ADAMTS6: variants seen among roughly 807,000 people sequenced by gnomAD.
ADAMTS6 encodes A disintegrin and metalloproteinase with thrombospondin motifs 6.
Under a neutral mutation model 144.3 loss-of-function variants are expected in ADAMTS6, and 23 were observed. The ratio of observed to expected loss-of-function variants is 0.16; its 90% CI spans 0.11 to 0.23. The LOEUF (loss-of-function observed/expected upper bound fraction) is 0.23. Ranked by LOEUF, ADAMTS6 falls within the 10% of genes least tolerant of loss-of-function variation. ADAMTS6 has a pLI of 1.00. For synonymous variants in ADAMTS6, 444 were observed against 457.5 expected, an observed-to-expected ratio of 0.97 and a Z score of 0.38; for missense variants, 999 against 1,379.6, an observed-to-expected ratio of 0.72 and a Z score of 4.37.
At chr5:65,425,332 T>C (rs978995976) in intron 7 of ADAMTS6, among the ~76,000 whole-genome samples, 17 of 152,184 alleles carry the variant, frequency 1.1e-4, no homozygotes, top group South Asian at 2.1e-4. Flanking sequence ...CCGGCCAATA[T>C]ATAAAGTTTT....
In ADAMTS6 at chr5:65,328,286, C is replaced by G. The variant is rs574757574; in HGVS notation, c.1223+1092G>C. Among the ~76,000 whole-genome samples, 4 of 152,096 alleles carry G rather than the reference C, an allele frequency of 2.6e-5. No homozygotes were observed. The East Asian group carries it at 7.7e-4, about 29-fold the overall frequency. ...AACTACAGATTTACCTCAGGAATTACCTCTGAGGTAAGTATATAAAAAACA... is the reference window on the plus strand; with the variant it reads ...AACTACAGATTTACCTCAGGAATTAGCTCTGAGGTAAGTATATAAAAAACA... On this transcript the variant is annotated intron_variant, in intron 9 of 24. Coordinates refer to ENST00000381055, the MANE Select transcript of ADAMTS6 (RefSeq NM_197941.4).
chr5:65,230,119 C>T (rs759018473), intron 15 of ADAMTS6, among the ~76,000 whole-genome samples: 3 of 151,112 alleles, frequency 2.0e-5, no homozygotes, highest in Middle Eastern at 6.8e-3. Flanking sequence ...GAATGGACTA[C>T]GATATAAAAA....
At chr5:65,222,776 A>G (rs1757421798) in intron 18 of ADAMTS6, among the ~76,000 whole-genome samples, 1 of 152,026 alleles carries the variant, frequency 6.6e-6, no homozygotes, top group Non-Finnish European at 1.5e-5. Flanking sequence ...AACTTCTTAC[A>G]TACTGAAAAC....
intron 7 of ADAMTS6, among the ~76,000 whole-genome samples, chr5:65,359,614 A>G (rs1443872066): frequency 1.3e-5 from 2 of 152,198 alleles, no homozygotes; most frequent in African/African-American, 2.4e-5. Context: ...AAATCAGCCT[A>G]ATTGTCTATC....
intron 11 of ADAMTS6, among the ~76,000 whole-genome samples, chr5:65,277,994 C>T (rs1190190325): frequency 6.6e-6 from 1 of 150,776 alleles, no homozygotes; most frequent in Non-Finnish European, 1.5e-5. Context: ...CCACCCTCCC[C>T]CTTGAGTCTC....
chr5:65,473,771 C>A lies in ADAMTS6; in HGVS notation c.-98G>T. On this transcript the variant is annotated 5_prime_UTR_variant, in exon 2 of 25. Transcript: ENST00000381055. ...GCATAACAATTTTATTTCTTTAAAACTTCTTGCAAATTAGTTATTGGATGT... is the reference window on the plus strand; with the variant it reads ...GCATAACAATTTTATTTCTTTAAAAATTCTTGCAAATTAGTTATTGGATGT... The A allele has an allele frequency of 2.1e-6, 2 of 945,386 alleles. No homozygotes were observed. The highest frequency in any genetic ancestry group is 2.1e-5 in the Admixed American group (1 of 46,530). 58.6% of individuals were successfully genotyped at this position (945,386 alleles called of 1,614,324 possible).
At chr5:65,169,412 A>G (rs1753451879) in intron 24 of ADAMTS6, among the ~76,000 whole-genome samples, 1 of 142,694 alleles carries the variant, frequency 7.0e-6, no homozygotes, top group Non-Finnish European at 1.5e-5. Flanking sequence ...ATGTGGAGAA[A>G]TAGGAACACT....
intron 15 of ADAMTS6, among the ~76,000 whole-genome samples, chr5:65,237,638 A>G (rs183427223): frequency 6.6e-6 from 1 of 152,302 alleles, no homozygotes; most frequent in Admixed American, 6.5e-5. Flanking sequence ...CTTAGCAAAG[A>G]CATCATAAGA....
At chr5:65,180,180 C>A (rs540526777) in intron 22 of ADAMTS6, among the ~76,000 whole-genome samples, 118 of 152,160 alleles carry the variant, frequency 7.8e-4, no homozygotes, top group Non-Finnish European at 1.3e-3. Flanking sequence ...TGGAGTATGT[C>A]ATAGAAAGAC....
chr5:65,348,986 T>A (rs1748604673), intron 7 of ADAMTS6, among the ~76,000 whole-genome samples: 1 of 152,148 alleles, frequency 6.6e-6, no homozygotes, highest in African/African-American at 2.4e-5. Context: ...ATCTAAAATT[T>A]TTTCTTTCCA....
At chr5:65,216,227 T>C (rs1360480414) in intron 18 of ADAMTS6, among the ~76,000 whole-genome samples, 1 of 152,132 alleles carries the variant, frequency 6.6e-6, no homozygotes, top group African/African-American at 2.4e-5. Flanking sequence ...ATTGTGGTAT[T>C]ATAATGTAAC....
At chr5:65,243,030 G>T (rs1366210375) in intron 14 of ADAMTS6, among the ~76,000 whole-genome samples, 5 of 152,028 alleles carry the variant, frequency 3.3e-5, no homozygotes, top group African/African-American at 1.2e-4. Flanking sequence ...CAACCTTTAA[G>T]TTCACAAAGA....
At chr5:65,332,574 A>G (rs1157146227) in intron 8 of ADAMTS6, among the ~76,000 whole-genome samples, 1 of 152,058 alleles carries the variant, frequency 6.6e-6, no homozygotes, top group Non-Finnish European at 1.5e-5. Context: ...GTTCATTTTT[A>G]TAAACCTCTT....
intron 14 of ADAMTS6, among the ~76,000 whole-genome samples, chr5:65,249,321 A>T (rs1457814353): frequency 6.6e-6 from 1 of 152,174 alleles, no homozygotes; most frequent in Non-Finnish European, 1.5e-5. Context: ...ACTCCACCAG[A>T]AAAAGGAAGA....
intron 9 of ADAMTS6, among the ~76,000 whole-genome samples, chr5:65,304,088 G>C (rs1743710113): frequency 6.6e-6 from 1 of 152,128 alleles, no homozygotes. Context: ...TATAGTTTAG[G>C]TGTCAGATGC....
At chr5:65,168,371 A>G (rs1256651693) in intron 24 of ADAMTS6, among the ~76,000 whole-genome samples, 1 of 151,694 alleles carries the variant, frequency 6.6e-6, no homozygotes, top group East Asian at 1.9e-4. Flanking sequence ...ACCACTGCTC[A>G]AGGAAATAAA....
At chr5:65,421,823 A>C (rs1270835742) in intron 7 of ADAMTS6, among the ~76,000 whole-genome samples, 1 of 152,260 alleles carries the variant, frequency 6.6e-6, no homozygotes, top group Non-Finnish European at 1.5e-5. Flanking sequence ...AGATGGATTG[A>C]AGACTTAAAT....
chr5:65,435,743 A>G (rs1219696817), intron 7 of ADAMTS6, among the ~76,000 whole-genome samples: 1 of 151,800 alleles, frequency 6.6e-6, no homozygotes, highest in Non-Finnish European at 1.5e-5. Flanking sequence ...CTTCTGCCTC[A>G]GCCTCCCGAG....
In ADAMTS6 at chr5:65,334,188, T is replaced by A. The variant is rs1216549604; in HGVS notation, c.1074-103A>T. Reference sequence around the variant, plus strand: ...CCTGAAGTTGTCAGACCACAATTAATGCAATTATGAGCAATCAACTGGAGT... The same window carrying A: ...CCTGAAGTTGTCAGACCACAATTAAAGCAATTATGAGCAATCAACTGGAGT... On this transcript the variant is annotated intron_variant, in intron 7 of 24. Coordinates refer to ENST00000381055, the MANE Select transcript of ADAMTS6 (RefSeq NM_197941.4). 3.9e-6 allele frequency: 5 copies of A among 1,280,316 alleles called. No individual in the cohort carries two copies. In the African/African-American group the frequency reaches 6.3e-5, roughly 16 times the overall value. 79.3% of individuals were successfully genotyped at this position (1,280,316 alleles called of 1,614,324 possible).
Sources: allele counts gnomAD v4.1 joint callset (sites outside exome capture counted in the v4.1 genomes callset), GRCh38; gene constraint gnomAD v4.1.1; transcripts MANE v1.5; gene names NCBI Gene and HGNC (gene_info 2026-07-23, HGNC 2026-07-21).